TNFSF13B: variants seen among roughly 807,000 people sequenced by gnomAD.
TNFSF13B encodes the protein TNF superfamily member 13b.
A neutral mutation model predicts 29.1 loss-of-function variants in TNFSF13B; 8 were observed. The ratio of observed to expected loss-of-function variants is 0.27; its 90% confidence interval spans 0.16 to 0.50. The LOEUF (loss-of-function observed/expected upper bound fraction) is 0.50. Ranked by LOEUF, TNFSF13B falls within the 20% of genes least tolerant of loss-of-function variation. TNFSF13B has a pLI of 0.98. For synonymous variants in TNFSF13B, 125 were observed against 130.8 expected (o/e 0.96, Z 0.30); for missense variants, 248 against 334.9 (o/e 0.74, Z 2.03).
At chr13:108,289,308 T>G (rs1459127189) in intron 3 of TNFSF13B, among the ~76,000 whole-genome samples, 1 of 152,058 alleles carries the variant, frequency 6.6e-6, no homozygotes, top group African/African-American at 2.4e-5. Flanking sequence ...GGTGATTACC[T>G]GGGATGCTTG....
intron 2 of TNFSF13B, among the ~76,000 whole-genome samples, chr13:108,283,427 G>T (rs193102097): frequency 6.6e-6 from 1 of 152,238 alleles, no homozygotes; most frequent in East Asian, 1.9e-4. Context: ...GTTCTTGAAA[G>T]AAACTTTTCT....
At chr13:108,271,313 A>C (rs1290217448) in intron 2 of TNFSF13B, among the ~76,000 whole-genome samples, 2 of 152,154 alleles carry the variant, frequency 1.3e-5, no homozygotes, top group African/African-American at 2.4e-5. Flanking sequence ...ATTTTCAAAC[A>C]TACTATTTCG....
intron 2 of TNFSF13B, among the ~76,000 whole-genome samples, chr13:108,273,617 T>C (rs184167130): frequency 2.6e-5 from 4 of 152,292 alleles, no homozygotes; most frequent in African/African-American, 9.6e-5. Flanking sequence ...GTGCTGTGAG[T>C]ATCTGCTTAA....
At chr13:108,305,577 T>G (rs1881749335) in intron 5 of TNFSF13B, among the ~76,000 whole-genome samples, 1 of 152,148 alleles carries the variant, frequency 6.6e-6, no homozygotes, top group Non-Finnish European at 1.5e-5. Context: ...AAATGACAAG[T>G]CTGTTCAACA....
intron 3 of TNFSF13B, among the ~76,000 whole-genome samples, chr13:108,299,665 A>G (rs1056247997): frequency 3.3e-5 from 5 of 152,166 alleles, no homozygotes; most frequent in South Asian, 2.1e-4. Context: ...GGTATTTACA[A>G]ACAGCCTCTG....
intron 3 of TNFSF13B, among the ~76,000 whole-genome samples, chr13:108,295,846 C>A (rs1196970258): frequency 1.4e-5 from 2 of 145,524 alleles, no homozygotes; most frequent in Non-Finnish European, 3.0e-5. Context: ...TTCCAATTTT[C>A]CTTATGTTAT....
At chr13:108,288,823 G>A (rs74115350) in intron 3 of TNFSF13B, among the ~76,000 whole-genome samples, 1,792 of 152,258 alleles carry the variant, frequency 0.012, 29 homozygotes, top group African/African-American at 0.04. Context: ...AACGAACTAC[G>A]AGTTCAGGAG....
intron 2 of TNFSF13B, among the ~76,000 whole-genome samples, chr13:108,282,828 C>T (rs1880994292): frequency 6.6e-6 from 1 of 151,922 alleles, no homozygotes; most frequent in African/African-American, 2.4e-5. Flanking sequence ...TATATTATTG[C>T]CTTGCTTAGT....
At chr13:108,271,444 TCACACA>T (rs59438208) in intron 2 of TNFSF13B, among the ~76,000 whole-genome samples, 45,633 of 142,792 alleles carry the variant, frequency 0.32, 7,522 homozygotes, top group Middle Eastern at 0.43. Flanking sequence ...GACCCTTCTA[TCACACA>T]CACACACACA....
intron 3 of TNFSF13B, among the ~76,000 whole-genome samples, chr13:108,287,482 T>TTACCC (rs1881178701): frequency 6.6e-6 from 1 of 152,150 alleles, no homozygotes; most frequent in Non-Finnish European, 1.5e-5. Flanking sequence ...AGTAATAATC[T>TTACCC]AATAAGGAGA....
intron 3 of TNFSF13B, among the ~76,000 whole-genome samples, chr13:108,290,378 A>C (rs1310044202): frequency 6.6e-6 from 1 of 152,132 alleles, no homozygotes; most frequent in Non-Finnish European, 1.5e-5. Flanking sequence ...ATGTCAGCCT[A>C]TGTGTGGGAC....
intron 2 of TNFSF13B, among the ~76,000 whole-genome samples, chr13:108,284,096 G>A (rs564050155): frequency 1.8e-4 from 28 of 152,234 alleles, no homozygotes; most frequent in Non-Finnish European, 2.9e-4. Flanking sequence ...TTTGGGAGGC[G>A]AGGTGGGCGG....
At chr13:108,304,149 C>T (rs941510196) in intron 5 of TNFSF13B, among the ~76,000 whole-genome samples, 5 of 152,184 alleles carry the variant, frequency 3.3e-5, no homozygotes, top group Non-Finnish European at 4.4e-5. Context: ...GGCTCCGCAC[C>T]GGGAGCAACC....
intron 2 of TNFSF13B, among the ~76,000 whole-genome samples, chr13:108,274,501 T>A (rs1594515689): frequency 6.6e-6 from 1 of 152,144 alleles, no homozygotes; most frequent in East Asian, 1.9e-4. Context: ...AGAATCTTAA[T>A]GACATCATGT....
intron 3 of TNFSF13B, 69 bp from the exon 4 acceptor site, chr13:108,303,184 A>T: frequency 1.0e-6 from 1 of 1,004,166 alleles, no homozygotes; most frequent in Non-Finnish European, 1.5e-6. Context: ...GAGGTAGCTT[A>T]ACAACTAAAT....
At chr13:108,278,638 C>T (rs1364929621) in intron 2 of TNFSF13B, among the ~76,000 whole-genome samples, 1 of 113,650 alleles carries the variant, frequency 8.8e-6, no homozygotes, top group Non-Finnish European at 1.8e-5. Flanking sequence ...TCCCTTTCCT[C>T]CTCCTCCACT....
chr13:108,297,469 G>C (rs902119909), intron 3 of TNFSF13B, among the ~76,000 whole-genome samples: 1 of 145,174 alleles, frequency 6.9e-6, no homozygotes, highest in Admixed American at 6.8e-5. Context: ...TTTCTTAGAT[G>C]TGTACATTCA....
chr13:108,286,132 A>G (rs967462112), intron 2 of TNFSF13B, among the ~76,000 whole-genome samples: 2 of 152,218 alleles, frequency 1.3e-5, no homozygotes, highest in Non-Finnish European at 2.9e-5. Flanking sequence ...CTTTGGTCCA[A>G]TATATTTTAC....
intron 5 of TNFSF13B, among the ~76,000 whole-genome samples, chr13:108,303,974 G>T (rs1042114738): frequency 2.6e-5 from 4 of 152,102 alleles, no homozygotes; most frequent in Admixed American, 1.3e-4. Flanking sequence ...TATCTGACAA[G>T]GATAGAGTGA....
Sources: allele counts gnomAD v4.1 joint callset (sites outside exome capture counted in the v4.1 genomes callset), GRCh38; gene constraint gnomAD v4.1.1; transcripts MANE v1.5; gene names NCBI Gene and HGNC (gene_info 2026-07-23, HGNC 2026-07-21).